Variants in MALRD1 observed in about 807,000 individuals in gnomAD.
The protein encoded by MALRD1 is MAM and LDL receptor class A domain containing 1, also known as MAM and LDL-receptor class A domain-containing protein 1.
MALRD1 carries 247 observed loss-of-function variants against 242.1 expected under a neutral mutation model. The observed-to-expected ratio is 1.02, with a 90% CI of 0.92 to 1.13. The LOEUF (loss-of-function observed/expected upper bound fraction) is 1.13, where lower values mean the gene tolerates loss of function less well. Among genes scored for constraint, MALRD1 ranks in the 50% most tolerant of loss-of-function variants. MALRD1 has a pLI of 0.00. For missense variants in MALRD1, 2,989 were observed against 2,533.1 expected (o/e 1.18, Z -3.86); for synonymous variants, 995 against 866.6 (o/e 1.15, Z -2.60).
intron 36 of MALRD1, among the ~76,000 whole-genome samples, chr10:19,685,947 C>T (rs1472505559): frequency 1.3e-5 from 2 of 151,972 alleles, no homozygotes; most frequent in Non-Finnish European, 2.9e-5. Flanking sequence ...ATGGCATGGC[C>T]CTAGGAATTG....
chr10:19,595,441 A>G lies in MALRD1; in HGVS notation c.5928A>G (p.Glu1976=). 1.9e-6 allele frequency: 3 copies of G among 1,550,006 alleles called. No homozygotes were observed. Among genetic ancestry groups the G allele is most frequent in the Non-Finnish European group, 2.6e-6 (3 of 1,146,552 alleles). Residue 1976 remains glutamate, a synonymous_variant, in exon 34 of 40, where the codon GAA becomes GAG. Coordinates refer to ENST00000454679, the MANE Select transcript of MALRD1 (RefSeq NM_001142308.3). ...GAGTGCCCGACTGCCACTTTAATGA[A>G]GATGAGCTCATCTGCTGTGAGTTAT... The part of the protein sequence containing the change: ...CDGVPDCHFN[E]DELICSNKSC...
At chr10:19,419,707 C>G (rs1201632693) in intron 28 of MALRD1, among the ~76,000 whole-genome samples, 2 of 152,146 alleles carry the variant, frequency 1.3e-5, no homozygotes, top group African/African-American at 4.8e-5. Flanking sequence ...CAGCCCAAAA[C>G]AGTGATCACT....
chr10:19,405,667 AG>A (rs1847064666), intron 28 of MALRD1, among the ~76,000 whole-genome samples: 1 of 152,220 alleles, frequency 6.6e-6, no homozygotes, highest in African/African-American at 2.4e-5. Context: ...CTGTACTCAG[AG>A]TACAAAAGGA....
chr10:19,539,852 T>TTGTG (rs1589217850), intron 32 of MALRD1, among the ~76,000 whole-genome samples: 9 of 64,364 alleles, frequency 1.4e-4, no homozygotes, highest in South Asian at 8.1e-4. Context: ...ACACCCAGCT[T>TTGTG]TGTGCGTGTG....
chr10:19,198,602 C>T (rs528145215), intron 14 of MALRD1, among the ~76,000 whole-genome samples: 2 of 152,108 alleles, frequency 1.3e-5, no homozygotes, highest in Non-Finnish European at 2.9e-5. Context: ...GGGCAGTTAA[C>T]GGCCCTGCTC....
intron 14 of MALRD1, among the ~76,000 whole-genome samples, chr10:19,202,128 C>A (rs1162505577): frequency 6.6e-6 from 1 of 152,042 alleles, no homozygotes; most frequent in African/African-American, 2.4e-5. Context: ...AAACTTTACT[C>A]TAAATATAGT....
intron 20 of MALRD1, among the ~76,000 whole-genome samples, chr10:19,282,686 A>G (rs982703017): frequency 1.3e-5 from 2 of 152,238 alleles, no homozygotes; most frequent in African/African-American, 4.8e-5. Context: ...CAGACTTGTC[A>G]GAACTTGGAG....
At chr10:19,269,419 A>C (rs1312166033) in intron 19 of MALRD1, among the ~76,000 whole-genome samples, 1 of 152,244 alleles carries the variant, frequency 6.6e-6, no homozygotes, top group East Asian at 1.9e-4. Flanking sequence ...TAAGAGTGTG[A>C]TACTTTAGAA....
intron 29 of MALRD1, among the ~76,000 whole-genome samples, chr10:19,477,324 A>C (rs1159807122): frequency 2.0e-5 from 3 of 152,184 alleles, no homozygotes; most frequent in Admixed American, 2.0e-4. Context: ...TCAAAACTCC[A>C]TAACATTTTA....
At chr10:19,694,362 A>T (rs1254448240) in intron 38 of MALRD1, among the ~76,000 whole-genome samples, 1 of 152,192 alleles carries the variant, frequency 6.6e-6, no homozygotes. Flanking sequence ...TCTACAAAGA[A>T]CTCAAACAAA....
At chr10:19,590,016 C>G (rs901119654) in intron 33 of MALRD1, among the ~76,000 whole-genome samples, 5 of 152,102 alleles carry the variant, frequency 3.3e-5, no homozygotes, top group African/African-American at 4.8e-5. Flanking sequence ...GGCCTTACAC[C>G]TCAATGCCAT....
At chr10:19,129,614 C>T (rs1033771201) in intron 8 of MALRD1, among the ~76,000 whole-genome samples, 7 of 151,906 alleles carry the variant, frequency 4.6e-5, no homozygotes, top group African/African-American at 1.5e-4. Context: ...CTTGATCTTT[C>T]TGGTGATGAG....
chr10:19,612,741 C>T (rs61841438), intron 35 of MALRD1, among the ~76,000 whole-genome samples: 9 of 151,786 alleles, frequency 5.9e-5, no homozygotes, highest in South Asian at 2.1e-4. Context: ...TTCACTTGGC[C>T]GGCAGGAGAG....
At chr10:19,204,225 C>T (rs1377839688) in intron 15 of MALRD1, 83 bp from the exon 16 acceptor site, 9 of 839,510 alleles carry the variant, frequency 1.1e-5, no homozygotes, top group Non-Finnish European at 1.7e-5. Flanking sequence ...TGATCTTGCT[C>T]AGTGTAGGGT....
chr10:19,618,504 G>A (rs577052721), intron 36 of MALRD1, among the ~76,000 whole-genome samples: 9 of 152,034 alleles, frequency 5.9e-5, no homozygotes, highest in African/African-American at 1.9e-4. Context: ...GATATTTTTT[G>A]ACTTTTCAAT....
chr10:19,466,313 T>G (rs925644372), intron 29 of MALRD1, among the ~76,000 whole-genome samples: 3 of 152,182 alleles, frequency 2.0e-5, no homozygotes, highest in African/African-American at 7.2e-5. Context: ...GAAAATTTTT[T>G]TTCCAATTTG....
At chr10:19,402,345 T>C (rs1846896201) in intron 28 of MALRD1, among the ~76,000 whole-genome samples, 1 of 152,136 alleles carries the variant, frequency 6.6e-6, no homozygotes, top group Non-Finnish European at 1.5e-5. Flanking sequence ...CATGTGTCAA[T>C]AACGGGGCCA....
intron 32 of MALRD1, among the ~76,000 whole-genome samples, chr10:19,560,158 A>G (rs1027093684): frequency 6.6e-6 from 1 of 152,192 alleles, no homozygotes; most frequent in African/African-American, 2.4e-5. Context: ...AAAGGATTAT[A>G]AATCATTCTA....
chr10:19,692,932 AT>A (rs1391785804), intron 38 of MALRD1, among the ~76,000 whole-genome samples: 4 of 149,590 alleles, frequency 2.7e-5, no homozygotes, highest in Non-Finnish European at 5.9e-5. Flanking sequence ...ACACAAATCA[AT>A]AAATGTAATC....
Sources: gnomAD v4.1 joint callset for allele counts (sites outside exome capture counted in the v4.1 genomes callset) on GRCh38, gnomAD v4.1.1 for gene constraint, MANE v1.5 for transcripts, NCBI Gene and HGNC (gene_info 2026-07-23, HGNC 2026-07-21) for gene names.